The following PLXDC2 variants were observed in gnomAD, a reference collection of about 807,000 sequenced individuals.
PLXDC2 encodes plexin domain-containing protein 2.
PLXDC2 carries 40 observed loss-of-function variants against 68.9 expected under a neutral mutation model. That is an observed-to-expected ratio of 0.58 (90% CI 0.45 to 0.76). The LOEUF (loss-of-function observed/expected upper bound fraction) is 0.76, where lower values mean the gene tolerates loss of function less well. Among genes scored for constraint, PLXDC2 ranks in the 30% least tolerant of loss-of-function variants. The probability of loss-of-function intolerance (pLI) is 0.00; values close to 1 mark genes in which losing one functional copy is unlikely to be tolerated. For missense variants in PLXDC2, 644 were observed against 661.9 expected, an observed-to-expected ratio of 0.97 and a Z score of 0.30; for synonymous variants, 243 against 234.2, an observed-to-expected ratio of 1.04 and a Z score of -0.34.
intron 1 of PLXDC2, among the ~76,000 whole-genome samples, chr10:19,837,319 C>T (rs1352817927): frequency 6.6e-6 from 1 of 151,840 alleles, no homozygotes; most frequent in East Asian, 1.9e-4. Context: ...GGTTATCTTT[C>T]AGGATAGATC....
intron 1 of PLXDC2, among the ~76,000 whole-genome samples, chr10:19,916,427 G>A (rs918464925): frequency 2.6e-5 from 4 of 151,546 alleles, no homozygotes; most frequent in African/African-American, 7.3e-5. Context: ...GGAATTACAG[G>A]TGTGAGCCAT....
chr10:19,890,844 T>C (rs1351525170), intron 1 of PLXDC2, among the ~76,000 whole-genome samples: 1 of 152,118 alleles, frequency 6.6e-6, no homozygotes. Context: ...ATAACTAATG[T>C]ATTTCTCTCA....
chr10:20,189,624 CT>C (rs1434257256), intron 9 of PLXDC2, among the ~76,000 whole-genome samples: 4 of 149,048 alleles, frequency 2.7e-5, no homozygotes, highest in Non-Finnish European at 6.0e-5. Context: ...AAATTCAAAA[CT>C]TTTCAGAAGC....
chr10:20,180,281 G>A (rs1412833261), intron 9 of PLXDC2, among the ~76,000 whole-genome samples: 4 of 152,044 alleles, frequency 2.6e-5, no homozygotes, highest in African/African-American at 7.2e-5. Flanking sequence ...ATTGAATACC[G>A]AACACTTACT....
chr10:19,935,348 G>A (rs1169076677), intron 1 of PLXDC2, among the ~76,000 whole-genome samples: 4 of 152,316 alleles, frequency 2.6e-5, no homozygotes, highest in African/African-American at 9.6e-5. Context: ...TGGGCCTGGA[G>A]TGAGGGAAAT....
chr10:20,163,870 A>G (rs1010674553), intron 6 of PLXDC2, among the ~76,000 whole-genome samples: 4 of 152,218 alleles, frequency 2.6e-5, no homozygotes, highest in Non-Finnish European at 5.9e-5. Context: ...GAACTGTGAC[A>G]TTGAGATGAC....
At chr10:20,086,607 G>T (rs1436463613) in intron 4 of PLXDC2, among the ~76,000 whole-genome samples, 1 of 152,076 alleles carries the variant, frequency 6.6e-6, no homozygotes, top group East Asian at 1.9e-4. Context: ...TGCAGAATTT[G>T]GGACGGCCTC....
chr10:19,989,751 AT>A (rs60357358), intron 1 of PLXDC2, among the ~76,000 whole-genome samples: 88,348 of 127,572 alleles, frequency 0.69, 30,058 homozygotes, highest in African/African-American at 0.82. Context: ...ACTTATGTGA[AT>A]TTTTTTTTTT....
intron 4 of PLXDC2, among the ~76,000 whole-genome samples, chr10:20,076,166 G>A (rs1836445598): frequency 6.6e-6 from 1 of 152,158 alleles, no homozygotes; most frequent in African/African-American, 2.4e-5. Context: ...TCGAATCCTG[G>A]AAAGTAAAGG....
intron 1 of PLXDC2, among the ~76,000 whole-genome samples, chr10:19,903,322 C>CTT (rs59736805): frequency 0.033 from 4,625 of 139,230 alleles, 230 homozygotes; most frequent in African/African-American, 0.11. Context: ...TTTTTGTTGG[C>CTT]TTTTTTTTTT....
chr10:19,952,373 C>G (rs992519319), intron 1 of PLXDC2, among the ~76,000 whole-genome samples: 1 of 152,136 alleles, frequency 6.6e-6, no homozygotes, highest in South Asian at 2.1e-4. Context: ...TGAAAAATGA[C>G]ATTGATTTCT....
rs1836084047 is a variant in PLXDC2, at chr10:20,281,701, C to G, written c.*1882C>G. On this transcript the variant is annotated 3_prime_UTR_variant, in exon 14 of 14. Coordinates refer to ENST00000377252, the MANE Select transcript of PLXDC2 (RefSeq NM_032812.9). Reference sequence around the variant, plus strand: ...GATTGAAGGATTGTGATGACAATCTCTTTGCAGCAGCTATGTATGGTTTAT... The same window carrying G: ...GATTGAAGGATTGTGATGACAATCTGTTTGCAGCAGCTATGTATGGTTTAT... 2 of 152,090 alleles carry G rather than the reference C, an allele frequency of 1.3e-5. No homozygotes were observed. The highest frequency in any genetic ancestry group is 4.1e-4 in the South Asian group (2 of 4,828). 9.4% of individuals were successfully genotyped at this position (152,090 alleles called of 1,614,324 possible).
intron 1 of PLXDC2, among the ~76,000 whole-genome samples, chr10:19,897,631 T>A (rs527631411): frequency 6.6e-6 from 1 of 152,254 alleles, no homozygotes; most frequent in East Asian, 1.9e-4. Flanking sequence ...GTGTTTAAAT[T>A]TTTAAGCTTT....
chr10:20,159,913 C>T (rs1834268634), intron 6 of PLXDC2, among the ~76,000 whole-genome samples: 1 of 152,168 alleles, frequency 6.6e-6, no homozygotes, highest in Non-Finnish European at 1.5e-5. Context: ...CTCTTCTCTC[C>T]TAGAGATCCC....
At chr10:20,062,403 G>A (rs1836122709) in intron 3 of PLXDC2, among the ~76,000 whole-genome samples, 1 of 152,028 alleles carries the variant, frequency 6.6e-6, no homozygotes, top group South Asian at 2.1e-4. Context: ...CAGCCTGGTG[G>A]CAGAGCGAGA....
chr10:20,261,554 T>A (rs1469359964), intron 13 of PLXDC2, among the ~76,000 whole-genome samples: 2 of 152,206 alleles, frequency 1.3e-5, no homozygotes, highest in African/African-American at 2.4e-5. Context: ...GCAAAAATAC[T>A]ATAATTTAAA....
chr10:20,273,312 C>G (rs1375643386), intron 13 of PLXDC2, among the ~76,000 whole-genome samples: 1 of 151,998 alleles, frequency 6.6e-6, no homozygotes, highest in African/African-American at 2.4e-5. Flanking sequence ...AAGTTCAAAA[C>G]AAGAAAATCT....
At position 20,126,711 on chromosome 10, in the gene PLXDC2, A is replaced by AGAACACACG. The variant is rs1564325252; in HGVS notation, c.542-16584_542-16583insGAACACACG. On this transcript the variant is annotated intron_variant, in intron 4 of 13. Transcript: ENST00000377252. ...TATAACACACGTTATATATGTATATATAACACACACGTTATATATGTATAT... is the reference window on the plus strand; with the variant it reads ...TATAACACACGTTATATATGTATATAGAACACACGTAACACACACGTTATATATGTATAT... Among the ~76,000 whole-genome samples the AGAACACACG allele has an allele frequency of 1.9e-4, 27 of 139,654 alleles. 12 individuals carry two copies. In the South Asian group the frequency reaches 3.1e-3, roughly 16 times the overall value. 91.6% of individuals were successfully genotyped at this position (139,654 alleles called of 152,430 possible).
At chr10:20,206,430 T>C (rs1004470155) in intron 9 of PLXDC2, among the ~76,000 whole-genome samples, 1 of 151,866 alleles carries the variant, frequency 6.6e-6, no homozygotes, top group Non-Finnish European at 1.5e-5. Context: ...TTGGAGGAGA[T>C]TGGGGTTGAT....
Sources: gnomAD v4.1 joint callset for allele counts (sites outside exome capture counted in the v4.1 genomes callset) on GRCh38, gnomAD v4.1.1 for gene constraint, MANE v1.5 for transcripts, NCBI Gene and HGNC (gene_info 2026-07-23, HGNC 2026-07-21) for gene names.